The following LRRTM4 variants were observed in gnomAD, a reference collection of about 807,000 sequenced individuals.
LRRTM4 encodes leucine-rich repeat transmembrane neuronal protein 4.
In LRRTM4, 25 loss-of-function variants were observed where a neutral mutation model predicts 47.6. The observed-to-expected ratio is 0.53, with a 90% CI of 0.38 to 0.73. The LOEUF (loss-of-function observed/expected upper bound fraction) is 0.73, where lower values mean the gene tolerates loss of function less well. LRRTM4 is among the 30% of genes least tolerant of loss of function. The probability of loss-of-function intolerance (pLI) is 0.00; values close to 1 mark genes in which losing one functional copy is unlikely to be tolerated. For missense variants in LRRTM4, 638 were observed against 713.4 expected, an observed-to-expected ratio of 0.89 and a Z score of 1.20; for synonymous variants, 311 against 269.5, an observed-to-expected ratio of 1.15 and a Z score of -1.51.
intron 3 of LRRTM4, among the ~76,000 whole-genome samples, chr2:77,218,981 C>T (rs541612655): frequency 1.2e-4 from 18 of 152,248 alleles, no homozygotes; most frequent in Non-Finnish European, 2.4e-4. Context: ...ACGTGCTAGG[C>T]GCTGCCAGAG....
intron 3 of LRRTM4, among the ~76,000 whole-genome samples, chr2:77,098,244 C>T (rs1462388005): frequency 1.3e-5 from 2 of 152,018 alleles, no homozygotes; most frequent in Non-Finnish European, 2.9e-5. Context: ...CTTGGGAGAA[C>T]TTATCCTGTC....
intron 3 of LRRTM4, among the ~76,000 whole-genome samples, chr2:76,818,927 G>C (rs1272987511): frequency 6.6e-6 from 1 of 151,550 alleles, no homozygotes; most frequent in Non-Finnish European, 1.5e-5. Context: ...AGTAAAGTCA[G>C]TTTTAATAGT....
intron 3 of LRRTM4, among the ~76,000 whole-genome samples, chr2:77,000,468 G>T (rs1483329290): frequency 2.0e-5 from 3 of 152,160 alleles, no homozygotes; most frequent in Admixed American, 6.6e-5. Flanking sequence ...CTTGTCAGTT[G>T]TATCTACAAC....
chr2:77,094,599 G>T (rs778814216), intron 3 of LRRTM4, among the ~76,000 whole-genome samples: 8 of 152,094 alleles, frequency 5.3e-5, no homozygotes, highest in Admixed American at 2.0e-4. Flanking sequence ...AGTGGAACAG[G>T]ACAGAAAGCC....
intron 3 of LRRTM4, among the ~76,000 whole-genome samples, chr2:77,016,601 C>CT (rs1678080199): frequency 6.6e-6 from 1 of 151,880 alleles, no homozygotes; most frequent in Non-Finnish European, 1.5e-5. Flanking sequence ...TGAATTGCCT[C>CT]TCTCTTCTCA....
intron 3 of LRRTM4, among the ~76,000 whole-genome samples, chr2:77,075,335 CTGTT>C (rs1272217218): frequency 1.4e-4 from 21 of 152,228 alleles, no homozygotes; most frequent in Admixed American, 5.2e-4. Context: ...CTGTGTCAGT[CTGTT>C]TATTTGTCTC....
At chr2:77,479,885 T>A (rs1201654843) in intron 3 of LRRTM4, among the ~76,000 whole-genome samples, 1 of 152,212 alleles carries the variant, frequency 6.6e-6, no homozygotes, top group Non-Finnish European at 1.5e-5. Context: ...CAGCTGATAT[T>A]TGAATAATAA....
intron 3 of LRRTM4, among the ~76,000 whole-genome samples, chr2:77,364,861 G>T (rs1314223579): frequency 6.6e-6 from 1 of 151,936 alleles, no homozygotes; most frequent in Non-Finnish European, 1.5e-5. Flanking sequence ...ACTGCTTTTA[G>T]ATTCACCAGA....
chr2:77,319,767 C>T (rs941575288), intron 3 of LRRTM4, among the ~76,000 whole-genome samples: 1 of 152,094 alleles, frequency 6.6e-6, no homozygotes, highest in Non-Finnish European at 1.5e-5. Flanking sequence ...TTGAAATAAC[C>T]ATACTACATG....
At chr2:77,048,332 A>G in intron 3 of LRRTM4, among the ~76,000 whole-genome samples, 1 of 152,086 alleles carries the variant, frequency 6.6e-6, no homozygotes, top group East Asian at 1.9e-4. Context: ...GGACCCATAC[A>G]TGCATTTAGG....
intron 3 of LRRTM4, among the ~76,000 whole-genome samples, chr2:77,340,343 G>T (rs1671327736): frequency 1.3e-5 from 2 of 151,646 alleles, no homozygotes; most frequent in African/African-American, 4.8e-5. Context: ...ACTCCAAGTT[G>T]GTATTTTCAA....
At chr2:77,321,235 C>CCTCT (rs1379203051) in intron 3 of LRRTM4, among the ~76,000 whole-genome samples, 1 of 152,024 alleles carries the variant, frequency 6.6e-6, no homozygotes, top group East Asian at 1.9e-4. Context: ...CAGAGATTCC[C>CCTCT]CTCTGCATAT....
intron 3 of LRRTM4, among the ~76,000 whole-genome samples, chr2:77,105,248 G>C (rs975797477): frequency 6.6e-6 from 1 of 151,844 alleles, no homozygotes; most frequent in Non-Finnish European, 1.5e-5. Flanking sequence ...GGAGATTTGT[G>C]GATTTAAAAA....
At chr2:77,022,125 A>T (rs1678296296) in intron 3 of LRRTM4, among the ~76,000 whole-genome samples, 1 of 152,150 alleles carries the variant, frequency 6.6e-6, no homozygotes, top group African/African-American at 2.4e-5. Flanking sequence ...CAGAGGTGAA[A>T]GTACTTCTTA....
chr2:76,892,251 C>T lies in LRRTM4; in HGVS notation c.1552-143335G>A, dbSNP rs547200184. ...CAGTTAAATTACAACTCACATGTCTCGTTGGTCAATTTCCAATGGTAAGAA... is the reference window on the plus strand; with the variant it reads ...CAGTTAAATTACAACTCACATGTCTTGTTGGTCAATTTCCAATGGTAAGAA... On this transcript the variant is annotated intron_variant, in intron 3 of 3. Transcript: ENST00000409884. 3.3e-5 allele frequency among the ~76,000 whole-genome samples: 5 copies of T among 151,376 alleles called. No individual in the cohort carries two copies. In the South Asian group the frequency reaches 6.2e-4, roughly 19 times the overall value.
chr2:76,820,325 G>C lies in LRRTM4; in HGVS notation c.1552-71409C>G, dbSNP rs571944819. On this transcript the variant is annotated intron_variant, in intron 3 of 3. Transcript: ENST00000409884. The stretch of plus-strand genomic sequence containing the variant: ...TTCTCATTTTACATTCCGTCCCTAG[G>C]CTTTCTAACTTTCACTACATCAAAT... Among the ~76,000 whole-genome samples the C allele has an allele frequency of 2.6e-5, 4 of 151,844 alleles. No individual in the cohort carries two copies. The East Asian group carries it at 7.8e-4, about 29-fold the overall frequency.
intron 3 of LRRTM4, among the ~76,000 whole-genome samples, chr2:76,807,429 T>TAG (rs1670533014): frequency 1.0e-5 from 1 of 99,546 alleles, no homozygotes; most frequent in Non-Finnish European, 1.8e-5. Context: ...TATATACATA[T>TAG]ATATATACGT....
intron 3 of LRRTM4, 83 bp from the exon 4 acceptor site, chr2:76,748,999 TTC>T: frequency 9.1e-7 from 1 of 1,103,982 alleles, no homozygotes; most frequent in East Asian, 2.6e-5. Flanking sequence ...TGTATTTTTG[TTC>T]TCTTTCATGC....
At chr2:76,894,512 A>G (rs1007993365) in intron 3 of LRRTM4, among the ~76,000 whole-genome samples, 1 of 152,176 alleles carries the variant, frequency 6.6e-6, no homozygotes, top group South Asian at 2.1e-4. Flanking sequence ...GGTGGCTACG[A>G]TAGCCAAAAA....
Sources: gnomAD v4.1 joint callset for allele counts (sites outside exome capture counted in the v4.1 genomes callset) on GRCh38, gnomAD v4.1.1 for gene constraint, MANE v1.5 for transcripts, NCBI Gene and HGNC (gene_info 2026-07-23, HGNC 2026-07-21) for gene names.